ULK2: variants seen among roughly 807,000 people sequenced by gnomAD.
The protein encoded by ULK2 is serine/threonine-protein kinase ULK2.
In ULK2, 76 loss-of-function variants were observed where a neutral mutation model predicts 127.5. The observed-to-expected ratio is 0.60, with a 90% CI of 0.50 to 0.72. The LOEUF is 0.72. Ranked by LOEUF, ULK2 falls within the 30% of genes least tolerant of loss-of-function variation. The pLI is 0.00. For synonymous variants in ULK2, 452 were observed against 461.9 expected (o/e 0.98, Z 0.28); for missense variants, 1,144 against 1,295.9 (o/e 0.88, Z 1.80).
chr17:19,842,243 G>A (rs1597799339), intron 8 of ULK2, among the ~76,000 whole-genome samples: 1 of 144,942 alleles, frequency 6.9e-6, no homozygotes, highest in South Asian at 2.2e-4. Flanking sequence ...TGTTGCCCAG[G>A]CTGGAGTGCA....
intron 18 of ULK2, among the ~76,000 whole-genome samples, 163 bp downstream of exon 18, chr17:19,797,233 G>T (rs560731101): frequency 2.6e-5 from 4 of 152,284 alleles, no homozygotes; most frequent in African/African-American, 9.6e-5. Context: ...GGAGGTGGAG[G>T]TTGTGATGAG....
At chr17:19,808,349 G>C (rs1322121232) in intron 14 of ULK2, among the ~76,000 whole-genome samples, 1 of 152,070 alleles carries the variant, frequency 6.6e-6, no homozygotes, top group East Asian at 1.9e-4. Flanking sequence ...TAGAGGGAAA[G>C]CTTAATATGA....
chr17:19,780,359 C>T (rs2086893216), intron 25 of ULK2, 113 bp downstream of exon 25: 2 of 983,800 alleles, frequency 2.0e-6, no homozygotes, highest in South Asian at 5.6e-5. Flanking sequence ...ATCCACAATA[C>T]TTGGGACTTG....
rs558019999 is a variant in ULK2, at chr17:19,775,177, G to A, written c.*1172C>T. 3.3e-5 allele frequency: 5 copies of A among 152,726 alleles called. No homozygotes were observed. The highest frequency in any genetic ancestry group is 7.4e-5 in the Non-Finnish European group (5 of 68,012). 9.5% of individuals were successfully genotyped at this position (152,726 alleles called of 1,614,324 possible). A position where few individuals can be genotyped will look rare whatever the true frequency, so the allele number is the denominator to read the frequency against. ...AAGAAACCAAGTAATACACAACGTAGGAACCATTCCTGGAGGGATATTAAG... is the reference window on the plus strand; with the variant it reads ...AAGAAACCAAGTAATACACAACGTAAGAACCATTCCTGGAGGGATATTAAG... On this transcript the variant is annotated 3_prime_UTR_variant, in exon 27 of 27. Transcript: ENST00000395544.
intron 3 of ULK2, among the ~76,000 whole-genome samples, chr17:19,864,350 C>T (rs1383892689): frequency 1.3e-5 from 2 of 151,834 alleles, no homozygotes; most frequent in African/African-American, 4.8e-5. Flanking sequence ...TGGTGCACAC[C>T]TATAGTCCTA....
intron 7 of ULK2, among the ~76,000 whole-genome samples, chr17:19,843,706 TG>T (rs1028615568): frequency 6.6e-6 from 1 of 151,092 alleles, no homozygotes; most frequent in African/African-American, 2.4e-5. Context: ...TCACCCAGGC[TG>T]GAGTGCAGTG....
At position 19,781,025 on chromosome 17, in the gene ULK2, T is replaced by G. The variant is rs146758486; in HGVS notation, c.2719A>C (p.Lys907Gln). The part of the protein sequence containing the change: ...ASLHLAKAQI[K>Q]SGKLSPSTAV... ...GTGGATGGGCTCAGTTTCCCGGACT[T>G]GATCTGGGCTTTGGCAAGATGCAGA... Residue 907 changes from lysine (K) to glutamine (Q), a missense_variant, in exon 24 of 27, where the codon AAG becomes CAG. Coordinates refer to ENST00000395544, the MANE Select transcript of ULK2 (RefSeq NM_014683.4). 3.7e-6 allele frequency: 6 copies of G among 1,613,924 alleles called. No homozygotes were observed. Among genetic ancestry groups the G allele is most frequent in the Non-Finnish European group, 5.1e-6 (6 of 1,180,020 alleles).
rs192308123 is a variant in ULK2 at position 19,801,897 on chromosome 17, T to A, written c.1321A>T (p.Thr441Ser). The A allele has an allele frequency of 7.4e-6, 12 of 1,612,652 alleles. No homozygotes were observed. The East Asian group carries it at 2.0e-4, about 27-fold the overall frequency. ...GGCCGGAGGAAGCCCATGGGGCTGG[T>A]GTTGGACCTTCGTACCACTGCAGAT... ...PRSAVVRRSN[T>S]SPMGFLRPGS... The change falls in exon 16 of 27, where the codon ACC (threonine) becomes TCC (serine). Residue 441 changes from threonine to serine, a missense_variant. By Grantham distance (58) the Thr-to-Ser change is moderately conservative (BLOSUM62 1). This residue lies in a region of ULK2 where 913 missense variants were observed against 970.5 expected (regional missense o/e 0.94). Coordinates refer to ENST00000395544, the MANE Select transcript of ULK2 (RefSeq NM_014683.4).
At chr17:19,855,985 T>C (rs952103497) in intron 3 of ULK2, 1 of 152,068 alleles carries the variant, frequency 6.6e-6, no homozygotes, top group African/African-American at 2.4e-5. Flanking sequence ...ACAGAAGAAA[T>C]GCACTCCAGC....
chr17:19,792,186 G>A lies in ULK2; in HGVS notation c.2101+3436C>T, dbSNP rs576300663. 6.6e-5 allele frequency among the ~76,000 whole-genome samples: 10 copies of A among 152,064 alleles called. No homozygotes were observed. The East Asian group carries it at 1.2e-3, about 18-fold the overall frequency. ...AAGAACTACAAAAGCAAGAGCAAAC[G>A]AAACCTAAAATTACTAGAAGAAAAG... On this transcript the variant is annotated intron_variant, in intron 20 of 26. Transcript: ENST00000395544.
chr17:19,843,324 G>C (rs551606589), intron 7 of ULK2, 102 bp from the exon 8 acceptor site: 30 of 690,386 alleles, frequency 4.3e-5, no homozygotes, highest in Non-Finnish European at 7.1e-5. Flanking sequence ...CAAACTACCA[G>C]AATAAAACAA....
rs114875934 is a variant in ULK2 at position 19,806,784 on chromosome 17, T to C, written c.1158-1954A>G. 2.3e-3 allele frequency among the ~76,000 whole-genome samples: 354 copies of C among 152,304 alleles called. 2 individuals carry two copies. Among genetic ancestry groups the C allele is most frequent in the African/African-American group, 8.4e-3 (348 of 41,576 alleles). On this transcript the variant is annotated intron_variant, in intron 14 of 26. Coordinates refer to ENST00000395544, the MANE Select transcript of ULK2 (RefSeq NM_014683.4). ...TCCTCACCTCCACTAGGGCCTACAA[T>C]TCACAACATTCTCTGTGTGGACCGT... is the stretch of plus-strand genomic sequence containing the variant.
intron 13 of ULK2, among the ~76,000 whole-genome samples, chr17:19,812,697 G>A (rs973328330): frequency 6.6e-6 from 1 of 152,056 alleles, no homozygotes; most frequent in African/African-American, 2.4e-5. Flanking sequence ...AAAATTTGAG[G>A]GATGGTTTCT....
At chr17:19,838,717 A>G in intron 9 of ULK2, 134 bp from the exon 10 acceptor site, 1 of 702,594 alleles carries the variant, frequency 1.4e-6, no homozygotes, top group Non-Finnish European at 2.3e-6. Context: ...CACGAAGACC[A>G]TGTAAGAGTC....
intron 17 of ULK2, among the ~76,000 whole-genome samples, chr17:19,798,255 G>A (rs1250252162): frequency 2.0e-5 from 3 of 152,154 alleles, no homozygotes; most frequent in Non-Finnish European, 2.9e-5. Context: ...TGGATTTTCT[G>A]TACTTTGTCC....
chr17:19,786,114 T>C lies in ULK2; in HGVS notation c.2102-28A>G, dbSNP rs757090944. The C allele has an allele frequency of 2.6e-6, 4 of 1,555,136 alleles. No homozygotes were observed. The East Asian group carries it at 7.4e-5, about 29-fold the overall frequency. ...ACAACAAAAAGTTTATAGAAGGTCA[T>C]ATTACCCTGATAGTGTTTATATCTG... On this transcript the variant is annotated intron_variant, in intron 20 of 26. Transcript: ENST00000395544.
At chr17:19,779,315 G>A (rs1445498769) in intron 25 of ULK2, among the ~76,000 whole-genome samples, 1 of 151,954 alleles carries the variant, frequency 6.6e-6, no homozygotes, top group East Asian at 1.9e-4. Context: ...TGGATCACCT[G>A]AGGTCAAGAG....
intron 12 of ULK2, among the ~76,000 whole-genome samples, chr17:19,819,603 T>C (rs913222317): frequency 6.6e-6 from 1 of 152,216 alleles, no homozygotes; most frequent in Admixed American, 6.5e-5. Context: ...CTAGATCCCT[T>C]TGTTCACTTG....
rs565406152 is a variant in ULK2 at position 19,846,775 on chromosome 17, C to T, written c.431G>A (p.Arg144His). The change falls in exon 6 of 27, where the codon CGC (arginine) becomes CAC (histidine). Residue 144 changes from arginine to histidine, a missense_variant. By Grantham distance (29) the Arg-to-His change is conservative. This residue lies in a region of ULK2 where 231 missense variants were observed against 325.4 expected (regional missense o/e 0.71). Coordinates refer to ENST00000395544, the MANE Select transcript of ULK2 (RefSeq NM_014683.4). ...PQNILLSYAN[R>H]RKSSVSGIRI... The stretch of plus-strand genomic sequence containing the variant: ...AATACCACTGACACTTGATTTTCTG[C>T]GATTGGCATAGGACAGCAAGATGTT... 37 of 1,611,104 alleles carry T rather than the reference C, an allele frequency of 2.3e-5. No homozygotes were observed. The highest frequency in any genetic ancestry group is 1.1e-4 in the East Asian group (5 of 44,726).
Sources: gnomAD v4.1 joint callset for allele counts (sites outside exome capture counted in the v4.1 genomes callset) on GRCh38, gnomAD v4.1.1 for gene constraint, gnomAD v4.1.1 regional missense constraint, MANE v1.5 for transcripts, NCBI Gene and HGNC (gene_info 2026-07-23, HGNC 2026-07-21) for gene names.